Variants in IMMP2L observed in about 807,000 individuals in gnomAD.
IMMP2L encodes the protein inner mitochondrial membrane peptidase subunit 2.
A neutral mutation model predicts 19.3 loss-of-function variants in IMMP2L; 18 were observed. The ratio of observed to expected loss-of-function variants is 0.93; its 90% CI spans 0.64 to 1.38. IMMP2L has a LOEUF of 1.38. IMMP2L is among the 40% of genes most tolerant of loss of function. The probability of loss-of-function intolerance (pLI) is 0.00; values close to 1 mark genes in which losing one functional copy is unlikely to be tolerated. For missense variants in IMMP2L, 233 were observed against 218.2 expected, an observed-to-expected ratio of 1.07 and a Z score of -0.43; for synonymous variants, 76 against 73.0, an observed-to-expected ratio of 1.04 and a Z score of -0.21.
chr7:111,312,834 A>G (rs59100715), intron 3 of IMMP2L, among the ~76,000 whole-genome samples: 1 of 151,716 alleles, frequency 6.6e-6, no homozygotes, highest in East Asian at 1.9e-4. Context: ...TCCTAAAACC[A>G]CTCCTGGTTA....
chr7:111,206,462 C>A (rs1442072856), intron 3 of IMMP2L, among the ~76,000 whole-genome samples: 2 of 151,976 alleles, frequency 1.3e-5, no homozygotes, highest in African/African-American at 4.8e-5. Context: ...TGGTGTATAG[C>A]GACCGAGTAA....
chr7:110,673,976 T>G (rs1792106615), intron 5 of IMMP2L, among the ~76,000 whole-genome samples: 1 of 152,204 alleles, frequency 6.6e-6, no homozygotes, highest in South Asian at 2.1e-4. Context: ...TTCTACTTTT[T>G]GGGGTATCTT....
chr7:111,111,952 T>TG (rs1310633476), intron 3 of IMMP2L, among the ~76,000 whole-genome samples: 1 of 133,666 alleles, frequency 7.5e-6, no homozygotes, highest in African/African-American at 2.8e-5. Flanking sequence ...GTTTTTTTTT[T>TG]TTTTTTTTTT....
chr7:111,111,173 C>T (rs1799146989), intron 3 of IMMP2L, among the ~76,000 whole-genome samples: 1 of 151,936 alleles, frequency 6.6e-6, no homozygotes, highest in African/African-American at 2.4e-5. Flanking sequence ...ATTTATAACC[C>T]TGTTTTGAAA....
At chr7:111,290,643 A>G (rs1215462603) in intron 3 of IMMP2L, among the ~76,000 whole-genome samples, 1 of 152,094 alleles carries the variant, frequency 6.6e-6, no homozygotes, top group Non-Finnish European at 1.5e-5. Context: ...GAAGCCCAAA[A>G]TAGGCAACTG....
At chr7:111,149,308 T>C (rs957410150) in intron 3 of IMMP2L, among the ~76,000 whole-genome samples, 2 of 152,096 alleles carry the variant, frequency 1.3e-5, no homozygotes, top group Non-Finnish European at 2.9e-5. Flanking sequence ...ACACTGATAT[T>C]GAAGATGCAT....
chr7:110,737,965 A>C (rs1047743136), intron 5 of IMMP2L, among the ~76,000 whole-genome samples: 1 of 152,136 alleles, frequency 6.6e-6, no homozygotes, highest in African/African-American at 2.4e-5. Flanking sequence ...AGAAATAGTC[A>C]CTACAGTTCA....
intron 3 of IMMP2L, among the ~76,000 whole-genome samples, chr7:111,027,489 G>A (rs1383285026): frequency 1.3e-5 from 2 of 151,966 alleles, no homozygotes; most frequent in African/African-American, 2.4e-5. Context: ...AGGAGGCAGA[G>A]AGAAAAAGAA....
chr7:110,774,956 A>T (rs998346996), intron 5 of IMMP2L, among the ~76,000 whole-genome samples: 2 of 152,232 alleles, frequency 1.3e-5, no homozygotes, highest in African/African-American at 4.8e-5. Flanking sequence ...AACTGGTTAA[A>T]TAAATCAATC....
chr7:111,159,335 C>T (rs544971552), intron 3 of IMMP2L, among the ~76,000 whole-genome samples: 6 of 152,130 alleles, frequency 3.9e-5, no homozygotes, highest in Admixed American at 2.6e-4. Context: ...AGGCTGATTT[C>T]GAACTCCTGA....
chr7:110,674,571 A>T (rs972441243), intron 5 of IMMP2L, among the ~76,000 whole-genome samples: 2 of 152,238 alleles, frequency 1.3e-5, no homozygotes, highest in African/African-American at 4.8e-5. Flanking sequence ...GAAATTTCCA[A>T]ATAAACAAAG....
At chr7:110,895,880 C>T (rs187632798) in intron 4 of IMMP2L, among the ~76,000 whole-genome samples, 43 of 152,260 alleles carry the variant, frequency 2.8e-4, no homozygotes, top group Admixed American at 2.1e-3. Flanking sequence ...ATCCTGCAGC[C>T]TTGCTAAACT....
chr7:111,292,427 C>T (rs1401546633), intron 3 of IMMP2L, among the ~76,000 whole-genome samples: 2 of 152,032 alleles, frequency 1.3e-5, no homozygotes, highest in Non-Finnish European at 2.9e-5. Context: ...TTACCCTGCA[C>T]ACATTTCTAC....
chr7:110,938,872 T>C (rs1451576885), intron 4 of IMMP2L, among the ~76,000 whole-genome samples: 1 of 152,180 alleles, frequency 6.6e-6, no homozygotes, highest in East Asian at 1.9e-4. Flanking sequence ...TGGATCCTTT[T>C]ATATGCAAAT....
At chr7:111,259,080 G>T (rs1817032221) in intron 3 of IMMP2L, among the ~76,000 whole-genome samples, 1 of 152,012 alleles carries the variant, frequency 6.6e-6, no homozygotes, top group African/African-American at 2.4e-5. Flanking sequence ...GACACAATAA[G>T]TATTTGCATA....
chr7:111,273,102 A>C (rs948600180), intron 3 of IMMP2L, among the ~76,000 whole-genome samples: 15 of 151,984 alleles, frequency 9.9e-5, no homozygotes, highest in African/African-American at 3.1e-4. Context: ...ACATGGTGAA[A>C]CCCCATCTCT....
At chr7:110,932,519 A>AT (rs1356469799) in intron 4 of IMMP2L, among the ~76,000 whole-genome samples, 1 of 151,786 alleles carries the variant, frequency 6.6e-6, no homozygotes, top group Non-Finnish European at 1.5e-5. Context: ...ATGCCAGGTG[A>AT]TTTTTTTGTA....
intron 5 of IMMP2L, among the ~76,000 whole-genome samples, chr7:110,678,386 T>C (rs1792475292): frequency 6.6e-6 from 1 of 152,086 alleles, no homozygotes; most frequent in South Asian, 2.1e-4. Flanking sequence ...AGCTAAAAAG[T>C]CTGAATTGTG....
chr7:111,376,343 A>C (rs1212288358), intron 3 of IMMP2L, among the ~76,000 whole-genome samples: 1 of 152,126 alleles, frequency 6.6e-6, no homozygotes, highest in Admixed American at 6.6e-5. Flanking sequence ...ATGCAAATCA[A>C]AACCACGAGA....
Sources: allele counts gnomAD v4.1 joint callset (sites outside exome capture counted in the v4.1 genomes callset), GRCh38; gene constraint gnomAD v4.1.1; transcripts MANE v1.5; gene names NCBI Gene and HGNC (gene_info 2026-07-23, HGNC 2026-07-21).